ADAMDEC1: variants seen among roughly 807,000 people sequenced by gnomAD.
ADAMDEC1 encodes ADAM DEC1.
In ADAMDEC1, 62 loss-of-function variants were observed where a neutral mutation model predicts 60.4. The ratio of observed to expected loss-of-function variants is 1.03; its 90% CI spans 0.84 to 1.27. The LOEUF (loss-of-function observed/expected upper bound fraction) is 1.27, where lower values mean the gene tolerates loss of function less well. Ranked by LOEUF, ADAMDEC1 falls within the 50% of genes most tolerant of loss-of-function variation. The pLI is 0.00. For synonymous variants in ADAMDEC1, 210 were observed against 195.1 expected, an observed-to-expected ratio of 1.08 and a Z score of -0.64; for missense variants, 595 against 565.0, an observed-to-expected ratio of 1.05 and a Z score of -0.54.
intron 13 of ADAMDEC1, among the ~76,000 whole-genome samples, chr8:24,404,541 C>T (rs1434335718): frequency 6.6e-6 from 1 of 152,108 alleles, no homozygotes; most frequent in African/African-American, 2.4e-5. Flanking sequence ...TAAAGTGTCT[C>T]AATGAGCCAT....
At position 24,397,396 on chromosome 8, in the gene ADAMDEC1, G is replaced by T; in HGVS notation, c.567G>T (p.Val189=). The T allele has an allele frequency of 6.2e-7, 1 of 1,614,074 alleles. No individual in the cohort carries two copies. Among genetic ancestry groups the T allele is most frequent in the Non-Finnish European group, 8.5e-7 (1 of 1,179,970 alleles). ...EQDPANHTCG[V]KSTDGKQGPI... ...ACCCAGCTAACCACACATGTGGTGT[G>T]AAGAGCACTGACGGGAAACAAGGCC... Residue 189 remains valine (V), a synonymous_variant, in exon 6 of 14, where the codon GTG becomes GTT. Coordinates refer to ENST00000256412, the MANE Select transcript of ADAMDEC1 (RefSeq NM_014479.3).
chr8:24,403,974 C>A lies in ADAMDEC1; in HGVS notation c.1321-29C>A, dbSNP rs1307744602. 10 of 1,590,292 alleles carry A rather than the reference C, an allele frequency of 6.3e-6. No homozygotes were observed. In the East Asian group the frequency reaches 1.8e-4, roughly 29 times the overall value. On this transcript the variant is annotated intron_variant, in intron 12 of 13. Transcript: ENST00000256412. The stretch of plus-strand genomic sequence containing the variant: ...CTATGGGAAGAAAATGTTGAACCCA[C>A]CTTTTTCCATTGTGTGTGTGCTTTG...
rs149618956 is a variant in ADAMDEC1 at position 24,401,403 on chromosome 8, A to G, written c.1143-512A>G. Among the ~76,000 whole-genome samples, 1,092 of 152,280 alleles carry G rather than the reference A, an allele frequency of 7.2e-3. 11 individuals carry two copies. Among genetic ancestry groups the G allele is most frequent in the African/African-American group, 0.025 (1,043 of 41,562 alleles). ...CCAATCAATCTGTTTTTGCATATTTATGAATTACCTGTGAATGCCAGGCAC... is the reference window on the plus strand; with the variant it reads ...CCAATCAATCTGTTTTTGCATATTTGTGAATTACCTGTGAATGCCAGGCAC... On this transcript the variant is annotated intron_variant, in intron 11 of 13. Transcript: ENST00000256412.
chr8:24,393,356 A>G lies in ADAMDEC1; in HGVS notation c.284+18A>G, dbSNP rs1225872008. The G allele has an allele frequency of 2.6e-6, 4 of 1,522,866 alleles. No individual in the cohort carries two copies. Among genetic ancestry groups the G allele is most frequent in the Non-Finnish European group, 3.6e-6 (4 of 1,106,424 alleles). The allele number at this position is 1,522,866 out of a possible 1,614,324, so 94.3% of individuals were successfully genotyped here. On this transcript the variant is annotated intron_variant, in intron 3 of 13. Coordinates refer to ENST00000256412, the MANE Select transcript of ADAMDEC1 (RefSeq NM_014479.3). ...AAAACCAAGTAAGTTGTACCTCCTAAAAGTCTAATCACTGGATTAGGTTAT... is the reference window on the plus strand; with the variant it reads ...AAAACCAAGTAAGTTGTACCTCCTAGAAGTCTAATCACTGGATTAGGTTAT...
Position 24,397,693 on chromosome 8 carries a change from T to G in ADAMDEC1, c.638T>G (p.Phe213Cys). 1 of 1,613,290 alleles carries G rather than the reference T, an allele frequency of 6.2e-7. No individual in the cohort carries two copies. The highest frequency in any genetic ancestry group is 8.5e-7 in the Non-Finnish European group (1 of 1,179,572). The change falls in exon 7 of 14, where the codon TTT becomes TGT. Residue 213 changes from phenylalanine to cysteine, a missense_variant. By Grantham distance (205) the Phe-to-Cys change is radical. Coordinates refer to ENST00000256412, the MANE Select transcript of ADAMDEC1 (RefSeq NM_014479.3). The stretch of plus-strand genomic sequence containing the variant: ...TTATTCTTTGTAAAGAAAGAAGACT[T>G]TCTTCGGGCACAGAAATACATTGAT... ...RSLKSPEKED[F>C]LRAQKYIDLY...
intron 2 of ADAMDEC1, 77 bp from the exon 3 acceptor site, chr8:24,393,185 C>T: frequency 1.2e-6 from 1 of 860,986 alleles, no homozygotes; most frequent in Non-Finnish European, 1.7e-6. Flanking sequence ...AATTGTTCTT[C>T]TAATACATAC....
intron 3 of ADAMDEC1, 49 bp downstream of exon 3, chr8:24,393,387 T>C (rs766535628): frequency 5.3e-6 from 7 of 1,317,176 alleles, no homozygotes; most frequent in Non-Finnish European, 7.5e-6. Context: ...GTTATGAAAT[T>C]GGGGAGCAAT....
In ADAMDEC1 at chr8:24,392,319, A is replaced by T; in HGVS notation, c.146A>T (p.Lys49Ile). The change falls in exon 2 of 14, where the codon AAA (lysine) becomes ATA (isoleucine). Residue 49 changes from lysine to isoleucine, a missense_variant. Lys to Ile is a moderately radical substitution (Grantham distance 102). Transcript: ENST00000256412. The stretch of plus-strand genomic sequence containing the variant: ...CTCCATGAAATAGTTTGTCCTAAAA[A>T]ACTTCACATTTTACACAAAAGAGAG... ...LTLHEIVCPK[K>I]LHILHKREIK... 6.2e-7 allele frequency: 1 copy of T among 1,612,104 alleles called. No homozygotes were observed. The highest frequency in any genetic ancestry group is 1.1e-5 in the South Asian group (1 of 90,556).
rs1288666988 is a variant in ADAMDEC1, at chr8:24,400,233, G to C, written c.1075G>C (p.Gly359Arg). 3 of 1,612,134 alleles carry C rather than the reference G, an allele frequency of 1.9e-6. No individual in the cohort carries two copies. In the Admixed American group the frequency reaches 5.0e-5, roughly 27 times the overall value. ...VMSHELGHVL[G>R]MPDVPFNTKC... ...GTCACATGAGCTGGGCCATGTCCTT[G>C]GTATGCCTGATGTTCCATTCAACAC... The change falls in exon 11 of 14, where the codon GGT (glycine) becomes CGT (arginine). Residue 359 changes from glycine to arginine, a missense_variant. Coordinates refer to ENST00000256412, the MANE Select transcript of ADAMDEC1 (RefSeq NM_014479.3).
chr8:24,393,660 G>C (rs1260663391), intron 3 of ADAMDEC1, among the ~76,000 whole-genome samples: 1 of 152,124 alleles, frequency 6.6e-6, no homozygotes, highest in Non-Finnish European at 1.5e-5. Flanking sequence ...GATTCAAAAT[G>C]CATGGCCTAG....
intron 1 of ADAMDEC1, among the ~76,000 whole-genome samples, chr8:24,388,479 T>C (rs1400132001): frequency 6.6e-6 from 1 of 152,136 alleles, no homozygotes; most frequent in Non-Finnish European, 1.5e-5. Context: ...CCTCTCTTTC[T>C]TTCTCTGCCT....
chr8:24,386,728 C>T (rs546451047), intron 1 of ADAMDEC1, among the ~76,000 whole-genome samples: 22 of 152,254 alleles, frequency 1.4e-4, no homozygotes, highest in South Asian at 1.2e-3. Flanking sequence ...TAAAAATTAT[C>T]CCAACTTAAA....
Position 24,399,422 on chromosome 8 carries a change from G to A in ADAMDEC1, c.959G>A (p.Gly320Glu), listed in dbSNP as rs1817704190. ...SGISFNNRRVGLAASNSLCSP... is the reference protein window; with the variant it reads ...SGISFNNRRVELAASNSLCSP... ...ATTAGCTTCAACAATCGACGTGTGG[G>A]ACTGGCAGCTTCAAATTCCTTGTGT... Residue 320 changes from glycine (G) to glutamate (E), a missense_variant, in exon 10 of 14, where the codon GGA (glycine) becomes GAA (glutamate). By Grantham distance (98) the Gly-to-Glu change is moderately conservative. Transcript: ENST00000256412. 6.2e-7 allele frequency: 1 copy of A among 1,613,940 alleles called. No individual in the cohort carries two copies.
At chr8:24,398,720 A>G (rs1817679628) in intron 8 of ADAMDEC1, among the ~76,000 whole-genome samples, 154 bp from the exon 9 acceptor site, 1 of 152,238 alleles carries the variant, frequency 6.6e-6, no homozygotes, top group African/African-American at 2.4e-5. Flanking sequence ...AATCACATGC[A>G]TGGCAACAAA....
intron 1 of ADAMDEC1, among the ~76,000 whole-genome samples, chr8:24,388,708 C>T (rs1817359811): frequency 6.6e-6 from 1 of 152,150 alleles, no homozygotes; most frequent in Non-Finnish European, 1.5e-5. Context: ...AAGAGGACAA[C>T]TCCCATCTTT....
intron 13 of ADAMDEC1, 95 bp downstream of exon 13, chr8:24,404,183 C>A: frequency 9.6e-7 from 1 of 1,036,814 alleles, no homozygotes; most frequent in Middle Eastern, 2.1e-4. Flanking sequence ...TACACTAAAA[C>A]ACAATGTATT....
At position 24,405,327 on chromosome 8, in the gene ADAMDEC1, A is replaced by G. The variant is rs958630897; in HGVS notation, c.*29A>G. 2.5e-6 allele frequency: 4 copies of G among 1,611,854 alleles called. No homozygotes were observed. The highest frequency in any genetic ancestry group is 1.7e-5 in the Admixed American group (1 of 59,860). ...CAAAAGTCTGCTTCACTGAGATGCT[A>G]CCTTGCCAGGACAAGAACCAAGAAC... On this transcript the variant is annotated 3_prime_UTR_variant, in exon 14 of 14. Coordinates refer to ENST00000256412, the MANE Select transcript of ADAMDEC1 (RefSeq NM_014479.3).
chr8:24,399,526 C>A, intron 10 of ADAMDEC1, 52 bp downstream of exon 10: 1 of 1,368,522 alleles, frequency 7.3e-7, no homozygotes, highest in Non-Finnish European at 1.0e-6. Context: ...TCTATGAAGG[C>A]CAGCATAACA....
At chr8:24,402,190 A>G (rs1469857115) in intron 12 of ADAMDEC1, 98 bp downstream of exon 12, 1 of 1,132,364 alleles carries the variant, frequency 8.8e-7, no homozygotes, top group Non-Finnish European at 1.2e-6. Context: ...CAAACTTGGC[A>G]TCGTAGTTAA....
Sources: allele counts gnomAD v4.1 joint callset (sites outside exome capture counted in the v4.1 genomes callset), GRCh38; gene constraint gnomAD v4.1.1; transcripts MANE v1.5; gene names NCBI Gene and HGNC (gene_info 2026-07-23, HGNC 2026-07-21).